The following ORC3 variants were observed in gnomAD, a reference collection of about 807,000 sequenced individuals.
ORC3 encodes origin recognition complex subunit 3, also known as homolog of latheo, Drosophila.
Under a neutral mutation model 100.7 loss-of-function variants are expected in ORC3, and 78 were observed. The observed-to-expected ratio is 0.77, with a 90% CI of 0.65 to 0.94. ORC3 has a LOEUF of 0.94. Ranked by LOEUF, ORC3 falls within the 40% of genes least tolerant of loss-of-function variation. The pLI is 0.00. For missense variants in ORC3, 789 were observed against 823.9 expected, an observed-to-expected ratio of 0.96 and a Z score of 0.52; for synonymous variants, 295 against 289.3, an observed-to-expected ratio of 1.02 and a Z score of -0.20.
chr6:87,677,779 A>T, the ORC3 span: 1 of 1,597,476 alleles, frequency 6.3e-7, no homozygotes, highest in Non-Finnish European at 8.6e-7. Flanking sequence ...ATTTCACACA[A>T]CTGAGTTCCT....
At chr6:87,639,968 G>A (rs1370904212) in intron 13 of ORC3, among the ~76,000 whole-genome samples, 1 of 152,070 alleles carries the variant, frequency 6.6e-6, no homozygotes, top group African/African-American at 2.4e-5. Flanking sequence ...CTTCACTCCA[G>A]CCTGGGTGAC....
At chr6:87,662,412 A>G (rs1477181088) in intron 16 of ORC3, among the ~76,000 whole-genome samples, 2 of 152,208 alleles carry the variant, frequency 1.3e-5, no homozygotes, top group Non-Finnish European at 2.9e-5. Flanking sequence ...AGTCTGGGTG[A>G]CAAGAGTGAA....
chr6:87,671,862 G>GT (rs748586301), downstream of ORC3, among the ~76,000 whole-genome samples: 12 of 152,102 alleles, frequency 7.9e-5, no homozygotes, highest in African/African-American at 1.2e-4. Flanking sequence ...TGGAAAAGCC[G>GT]TAACTGTTGT....
At chr6:87,671,558 G>C (rs1217684218), downstream of ORC3, among the ~76,000 whole-genome samples, 1 of 151,602 alleles carries the variant, frequency 6.6e-6, no homozygotes, top group Non-Finnish European at 1.5e-5. Flanking sequence ...TACTAAGAGA[G>C]GAGGCAAGCA....
At chr6:87,593,963 G>C (rs549169257) in intron 1 of ORC3, among the ~76,000 whole-genome samples, 37 of 152,354 alleles carry the variant, frequency 2.4e-4, no homozygotes, top group Non-Finnish European at 5.3e-4. Flanking sequence ...CCAGAGTGCT[G>C]GGATTACAGG....
In ORC3 at chr6:87,606,209, T is replaced by C. The variant is rs535588353; in HGVS notation, c.427+188T>C. On this transcript the variant is annotated intron_variant, in intron 5 of 19. Coordinates refer to ENST00000392844, the MANE Select transcript of ORC3 (RefSeq NM_012381.4). The stretch of plus-strand genomic sequence containing the variant: ...ATTACAGAACTCTGCCTTCTTTTGC[T>C]GTCTTTGTTCTTGACCCATTTCTGC... Among the ~76,000 whole-genome samples, 380 of 152,320 alleles carry C rather than the reference T, an allele frequency of 2.5e-3. 2 individuals carry two copies. Among genetic ancestry groups the C allele is most frequent in the African/African-American group, 8.8e-3 (366 of 41,572 alleles).
At chr6:87,651,293 C>T (rs1287813145) in intron 13 of ORC3, 1 of 456,234 alleles carries the variant, frequency 2.2e-6, no homozygotes, top group Admixed American at 2.3e-5. Context: ...AGATCTTCTG[C>T]CAGCAGAACC....
At position 87,634,957 on chromosome 6, in the gene ORC3, G is replaced by A. The variant is rs751955777; in HGVS notation, c.1298G>A (p.Arg433Gln). Residue 433 changes from arginine (R) to glutamine (Q), a missense_variant, in exon 12 of 20, where the codon CGA becomes CAA. Arg to Gln is a conservative substitution (Grantham distance 43). This residue lies in a region of ORC3 where 366 missense variants were observed against 394.2 expected (regional missense o/e 0.93). Coordinates refer to ENST00000392844, the MANE Select transcript of ORC3 (RefSeq NM_012381.4). ...TCTCTTCCCAAGTATCCACTAGGTC[G>A]ACAGGTAATCCAAGCCTCCTCATTT... Reference protein sequence around the residue: ...TSSLPKYPLGRQIRELYCTCL... With the variant: ...TSSLPKYPLGQQIRELYCTCL... The A allele has an allele frequency of 6.1e-6, 9 of 1,466,986 alleles. No individual in the cohort carries two copies. Among genetic ancestry groups the A allele is most frequent in the Admixed American group, 5.0e-5 (3 of 59,832 alleles). The allele number at this position is 1,466,986 out of a possible 1,614,324, so 90.9% of individuals were successfully genotyped here.
Position 87,636,443 on chromosome 6 carries a change from A to C in ORC3, c.1339A>C (p.Ile447Leu). ...ELYCTCLEKNIWDSEEYASVL... is the reference protein window; with the variant it reads ...ELYCTCLEKNLWDSEEYASVL... The stretch of plus-strand genomic sequence containing the variant: ...GTACTGTACATGTTTAGAAAAGAAC[A>C]TATGGGATTCAGAGGAGTATGCATC... The change falls in exon 13 of 20, where the codon ATA becomes CTA. Residue 447 changes from isoleucine (I) to leucine (L), a missense_variant. Physicochemically the swap from Ile to Leu is conservative, Grantham distance 5. Around this residue, in one of 3 missense-constraint regions of ORC3, gnomAD observed 366 missense variants for 394.2 expected, o/e 0.93. Transcript: ENST00000392844. 6.2e-7 allele frequency: 1 copy of C among 1,612,344 alleles called. No individual in the cohort carries two copies. Among genetic ancestry groups the C allele is most frequent in the Non-Finnish European group, 8.5e-7 (1 of 1,178,382 alleles).
Position 87,607,556 on chromosome 6 carries a change from T to TA in ORC3, c.428-110dup, listed in dbSNP as rs1006130229. On this transcript the variant is annotated intron_variant, in intron 5 of 19. Transcript: ENST00000392844. ...ACATTAGCTGTATTGATGGTAAGTA[T>TA]AAAAAAACACATTCTACCAAAAAAA... The TA allele has an allele frequency of 8.7e-6, 6 of 690,918 alleles. No homozygotes were observed. In the African/African-American group the frequency reaches 9.4e-5, roughly 11 times the overall value. 42.8% of individuals were successfully genotyped at this position (690,918 alleles called of 1,614,324 possible).
Sources: allele counts gnomAD v4.1 joint callset (sites outside exome capture counted in the v4.1 genomes callset), GRCh38; gene constraint gnomAD v4.1.1; regional missense constraint gnomAD v4.1.1; transcripts MANE v1.5; gene names NCBI Gene and HGNC (gene_info 2026-07-23, HGNC 2026-07-21).